DLC1: variants seen among roughly 807,000 people sequenced by gnomAD.
DLC1 encodes the protein DLC1 Rho GTPase activating protein, also known as rho GTPase-activating protein 7.
Under a neutral mutation model 140.3 loss-of-function variants are expected in DLC1, and 54 were observed. The ratio of observed to expected loss-of-function variants is 0.38; its 90% CI spans 0.31 to 0.48. DLC1 has a LOEUF of 0.48. DLC1 is among the 20% of genes least tolerant of loss of function. DLC1 has a pLI of 0.96. For synonymous variants in DLC1, 986 were observed against 728.1 expected (o/e 1.35, Z -5.70); for missense variants, 2,536 against 1,907.0 (o/e 1.33, Z -6.14).
intron 4 of DLC1, among the ~76,000 whole-genome samples, chr8:13,380,043 C>G (rs904135723): frequency 6.6e-6 from 1 of 152,188 alleles, no homozygotes; most frequent in Non-Finnish European, 1.5e-5. Flanking sequence ...CTTTACAAAA[C>G]CTTTCTGGCC....
At chr8:13,566,903 C>G (rs1399778288) in intron 1 of DLC1, 2 of 1,427,898 alleles carry the variant, frequency 1.4e-6, no homozygotes, top group Admixed American at 2.9e-5. Context: ...GCATTGAGAT[C>G]CATTCCCGGA....
At chr8:13,442,669 C>T (rs1375645322) in intron 2 of DLC1, among the ~76,000 whole-genome samples, 3 of 152,162 alleles carry the variant, frequency 2.0e-5, no homozygotes, top group African/African-American at 7.2e-5. Context: ...CATCTCACAC[C>T]AGTTAAAATG....
chr8:13,158,496 G>C (rs1018131492), intron 5 of DLC1, among the ~76,000 whole-genome samples: 1 of 152,182 alleles, frequency 6.6e-6, no homozygotes, highest in African/African-American at 2.4e-5. Flanking sequence ...AGGCTGGCGA[G>C]AGGTTCTGAG....
intron 4 of DLC1, among the ~76,000 whole-genome samples, chr8:13,325,266 C>T (rs555345085): frequency 4.2e-4 from 64 of 152,270 alleles, no homozygotes; most frequent in Admixed American, 7.2e-4. Context: ...GACTAATGGG[C>T]TTTTGGTTTT....
chr8:13,271,878 T>C (rs1830945923), intron 5 of DLC1, among the ~76,000 whole-genome samples: 1 of 152,214 alleles, frequency 6.6e-6, no homozygotes, highest in Non-Finnish European at 1.5e-5. Context: ...GGTCTTGCTC[T>C]GTTACCCAGG....
Position 13,157,814 on chromosome 8 carries a change from C to A in DLC1, c.1349-42157G>T, listed in dbSNP as rs185193378. Among the ~76,000 whole-genome samples, 119 of 152,292 alleles carry A rather than the reference C, an allele frequency of 7.8e-4. 1 individual carries two copies. The highest frequency in any genetic ancestry group is 2.8e-3 in the African/African-American group (117 of 41,566). On this transcript the variant is annotated intron_variant, in intron 5 of 17. Transcript: ENST00000276297. ...TATTACACTTGGAATCATAATATTT[C>A]TTTTCCTCTTCCACTAGGGCAATTG...
chr8:13,401,458 T>G lies in DLC1; in HGVS notation c.1173+12A>C. Reference sequence around the variant, plus strand: ...CTCCTATGGGAAAAGAAGTAGAAAGTGGAAAGCTCACAGGAACGTGCCGCC... The same window carrying G: ...CTCCTATGGGAAAAGAAGTAGAAAGGGGAAAGCTCACAGGAACGTGCCGCC... On this transcript the variant is annotated intron_variant, in intron 3 of 17. Coordinates refer to ENST00000276297, the MANE Select transcript of DLC1 (RefSeq NM_182643.3). 6.2e-7 allele frequency: 1 copy of G among 1,611,324 alleles called. No individual in the cohort carries two copies. Among genetic ancestry groups the G allele is most frequent in the Non-Finnish European group, 8.5e-7 (1 of 1,179,632 alleles).
rs78436078 is a variant in DLC1 at position 13,549,120 on chromosome 8, G to A, written c.-125-48924C>T. On this transcript the variant is annotated intron_variant, in intron 1 of 1. Transcript: ENST00000631382. ...AGATGACTTATTTTCTTACTCTGGG[G>A]CTGGCAAAAATTAGCAGTGAAAACA... 8.2e-3 allele frequency among the ~76,000 whole-genome samples: 1,248 copies of A among 152,060 alleles called. 21 individuals are homozygous for A. Among genetic ancestry groups the A allele is most frequent in the African/African-American group, 0.029 (1,189 of 41,490 alleles).
At chr8:13,511,998 G>C (rs2117255670) in intron 1 of DLC1, among the ~76,000 whole-genome samples, 1 of 152,130 alleles carries the variant, frequency 6.6e-6, no homozygotes, top group Non-Finnish European at 1.5e-5. Context: ...GGTAGGTATA[G>C]ACAGAGAGAG....
chr8:13,370,792 A>G lies in DLC1; in HGVS notation c.1314+22761T>C, dbSNP rs531203267. Among the ~76,000 whole-genome samples, 403 of 152,272 alleles carry G rather than the reference A, an allele frequency of 2.6e-3. 2 individuals carry two copies. The highest frequency in any genetic ancestry group is 9.2e-3 in the African/African-American group (383 of 41,554). ...CCAAGCCTCATATTCTTGTTGCTCTAAATCCAATGCAAGGGAGACAGCCTC... is the reference window on the plus strand; with the variant it reads ...CCAAGCCTCATATTCTTGTTGCTCTGAATCCAATGCAAGGGAGACAGCCTC... On this transcript the variant is annotated intron_variant, in intron 4 of 17. Coordinates refer to ENST00000276297, the MANE Select transcript of DLC1 (RefSeq NM_182643.3).
intron 1 of DLC1, among the ~76,000 whole-genome samples, chr8:13,509,811 T>C (rs1364038278): frequency 6.6e-6 from 1 of 152,084 alleles, no homozygotes; most frequent in African/African-American, 2.4e-5. Flanking sequence ...ATAACTTTTT[T>C]CCCCCTGGTG....
At chr8:13,282,754 G>A (rs1287136595) in intron 5 of DLC1, among the ~76,000 whole-genome samples, 2 of 152,116 alleles carry the variant, frequency 1.3e-5, no homozygotes, top group African/African-American at 4.8e-5. Context: ...CAGATTTAAA[G>A]TATATTATGA....
At chr8:13,190,307 G>A (rs1412033558) in intron 5 of DLC1, among the ~76,000 whole-genome samples, 1 of 152,058 alleles carries the variant, frequency 6.6e-6, no homozygotes, top group Non-Finnish European at 1.5e-5. Context: ...GATATCTATG[G>A]GGTGCCTCTG....
intron 2 of DLC1, among the ~76,000 whole-genome samples, chr8:13,454,835 G>A (rs936282549): frequency 7.9e-5 from 12 of 152,200 alleles, no homozygotes; most frequent in African/African-American, 2.9e-4. Context: ...ATTAGGGTGT[G>A]AGCCATTGTG....
intron 5 of DLC1, among the ~76,000 whole-genome samples, chr8:13,171,056 T>G (rs1192566217): frequency 6.6e-6 from 1 of 152,194 alleles, no homozygotes; most frequent in Non-Finnish European, 1.5e-5. Flanking sequence ...TCTCATAAAT[T>G]GCTGAATCAG....
intron 2 of DLC1, among the ~76,000 whole-genome samples, chr8:13,437,404 G>A (rs556572006): frequency 1.1e-4 from 17 of 152,286 alleles, no homozygotes; most frequent in East Asian, 9.6e-4. Flanking sequence ...AGCATCTTTC[G>A]AAAGTCAAAA....
intron 5 of DLC1, among the ~76,000 whole-genome samples, chr8:13,132,257 C>G (rs1822167803): frequency 1.4e-5 from 2 of 147,586 alleles, no homozygotes; most frequent in African/African-American, 5.2e-5. Flanking sequence ...TAGCAAGAAG[C>G]ACGTTTGCAA....
chr8:13,345,798 A>C (rs532295547), intron 4 of DLC1, among the ~76,000 whole-genome samples: 1 of 152,062 alleles, frequency 6.6e-6, no homozygotes, highest in South Asian at 2.1e-4. Context: ...ACCTGAAGTG[A>C]TCCACTCTCT....
At chr8:13,356,751 A>T (rs1203506389) in intron 4 of DLC1, among the ~76,000 whole-genome samples, 1 of 152,238 alleles carries the variant, frequency 6.6e-6, no homozygotes, top group African/African-American at 2.4e-5. Flanking sequence ...CATGTGGCTA[A>T]TAAATTACAC....
Sources: gnomAD v4.1 joint callset for allele counts (sites outside exome capture counted in the v4.1 genomes callset) on GRCh38, gnomAD v4.1.1 for gene constraint, MANE v1.5 for transcripts, NCBI Gene and HGNC (gene_info 2026-07-23, HGNC 2026-07-21) for gene names.